Variants in ECPAS observed in about 807,000 individuals in gnomAD.
ECPAS encodes proteasome adapter and scaffold protein ECM29.
A neutral mutation model predicts 255.1 loss-of-function variants in ECPAS; 70 were observed. The ratio of observed to expected loss-of-function variants is 0.27; its 90% confidence interval spans 0.23 to 0.33. The LOEUF (loss-of-function observed/expected upper bound fraction) is 0.33, where lower values mean the gene tolerates loss of function less well. ECPAS is among the 10% of genes least tolerant of loss of function. ECPAS has a pLI of 1.00. For synonymous variants in ECPAS, 784 were observed against 775.0 expected (o/e 1.01, Z -0.19); for missense variants, 1,817 against 2,206.4 (o/e 0.82, Z 3.54).
At chr9:111,453,441 A>T (rs901616405) in intron 2 of ECPAS, among the ~76,000 whole-genome samples, 3 of 152,164 alleles carry the variant, frequency 2.0e-5, no homozygotes, top group East Asian at 3.9e-4. Context: ...GGGGGGGAAG[A>T]GGCAAATTTT....
At chr9:111,382,018 C>CAG (rs1033007892) in intron 35 of ECPAS, among the ~76,000 whole-genome samples, 1 of 151,598 alleles carries the variant, frequency 6.6e-6, no homozygotes, top group African/African-American at 2.4e-5. Flanking sequence ...AACACACACA[C>CAG]ACACACACAC....
intron 31 of ECPAS, among the ~76,000 whole-genome samples, chr9:111,389,102 T>C (rs889057931): frequency 2.6e-5 from 4 of 152,350 alleles, no homozygotes; most frequent in African/African-American, 7.2e-5. Context: ...AGACAAGCCC[T>C]GAGAAATCTT....
chr9:111,392,882 T>C lies in ECPAS; in HGVS notation c.2978A>G (p.Glu993Gly), dbSNP rs1455189440. ...CTTTGATGCAACATCTTGGCTAAGTTCTACAAGAAAGTCAGACAAGATTGT... is the reference window on the plus strand; with the variant it reads ...CTTTGATGCAACATCTTGGCTAAGTCCTACAAGAAAGTCAGACAAGATTGT... ...AFVSVLSENDELSQDVASKGL... is the reference protein window; with the variant it reads ...AFVSVLSENDGLSQDVASKGL... Residue 993 changes from glutamate to glycine, a missense_variant and splice_region_variant, in exon 28 of 50, where the codon GAA (glutamate) becomes GGA (glycine). Glu to Gly is a moderately conservative substitution (Grantham distance 98, BLOSUM62 -2). Transcript: ENST00000684092. 3 of 1,600,092 alleles carry C rather than the reference T, an allele frequency of 1.9e-6. No homozygotes were observed. The highest frequency in any genetic ancestry group is 1.7e-5 in the Admixed American group (1 of 57,510).
intron 35 of ECPAS, among the ~76,000 whole-genome samples, chr9:111,381,301 G>A (rs1340325461): frequency 6.6e-6 from 1 of 152,144 alleles, no homozygotes; most frequent in African/African-American, 2.4e-5. Flanking sequence ...GGAGAGAGAT[G>A]GGGAACAGCT....
chr9:111,402,091 A>G (rs1250131047), intron 24 of ECPAS, among the ~76,000 whole-genome samples: 2 of 152,366 alleles, frequency 1.3e-5, no homozygotes, highest in East Asian at 3.8e-4. Context: ...ATAAATGTCC[A>G]TGAAATCTTC....
intron 6 of ECPAS, 150 bp downstream of exon 6, chr9:111,440,222 G>A (rs7860748): frequency 0.33 from 205,250 of 617,930 alleles, 39,623 homozygotes; most frequent in Non-Finnish European, 0.41. Context: ...AAGCAGTGGA[G>A]CTGAAGTTTA....
chr9:111,464,631 C>T (rs2098277128), intron 2 of ECPAS, among the ~76,000 whole-genome samples: 1 of 152,152 alleles, frequency 6.6e-6, no homozygotes, highest in Non-Finnish European at 1.5e-5. Flanking sequence ...CATGAGCCAA[C>T]AAGACCATAT....
chr9:111,440,269 A>G (rs1589201178), intron 6 of ECPAS, 103 bp downstream of exon 6: 2 of 972,136 alleles, frequency 2.1e-6, no homozygotes, highest in Admixed American at 2.8e-5. Context: ...ATGGATGTTG[A>G]GATGCATTCA....
At chr9:111,449,120 G>A (rs971591394) in intron 3 of ECPAS, among the ~76,000 whole-genome samples, 1 of 152,110 alleles carries the variant, frequency 6.6e-6, no homozygotes, top group Non-Finnish European at 1.5e-5. Context: ...ATAATCTCAT[G>A]AGGATGTAAG....
intron 1 of ECPAS, among the ~76,000 whole-genome samples, chr9:111,482,977 G>A (rs994161221): frequency 1.3e-5 from 2 of 152,206 alleles, no homozygotes; most frequent in Non-Finnish European, 2.9e-5. Flanking sequence ...CGGTTCGACC[G>A]GCGACCCTCT....
At chr9:111,414,866 C>CA (rs2131745114) in intron 18 of ECPAS, among the ~76,000 whole-genome samples, 1 of 152,284 alleles carries the variant, frequency 6.6e-6, no homozygotes, top group African/African-American at 2.4e-5. Flanking sequence ...TGTTAAAATA[C>CA]AAACTGAACT....
chr9:111,373,465 TC>T, intron 39 of ECPAS, 59 bp from the exon 40 acceptor site: 1 of 1,426,498 alleles, frequency 7.0e-7, no homozygotes, highest in Non-Finnish European at 9.8e-7. Flanking sequence ...TCCACTCTGT[TC>T]CCAGAACCCA....
chr9:111,393,725 T>C lies in ECPAS; in HGVS notation c.2932A>G (p.Lys978Glu). 1.3e-6 allele frequency: 2 copies of C among 1,587,542 alleles called. No homozygotes were observed. Among genetic ancestry groups the C allele is most frequent in the African/African-American group, 2.7e-5 (2 of 74,444 alleles). The change falls in exon 27 of 50, where the codon AAA becomes GAA. Residue 978 changes from lysine to glutamate, a missense_variant. By Grantham distance (56) the Lys-to-Glu change is moderately conservative. Coordinates refer to ENST00000684092, the MANE Select transcript of ECPAS (RefSeq NM_001364929.1). ...STHKEVKSHL[K>E]EIQSAFVSVL... ...GAAACAAATGCACTTTGAATTTCTTTAAGATGAGACTGAAAGAAGAAAAAA... is the reference window on the plus strand; with the variant it reads ...GAAACAAATGCACTTTGAATTTCTTCAAGATGAGACTGAAAGAAGAAAAAA...
Position 111,371,774 on chromosome 9 carries a change from C to T in ECPAS, c.4584G>A (p.Lys1528=). ...TTTTCCAGGACTGAGACTGCAAAGC[C>T]TTCTGGGTAATAGTAATTAACTCCT... is the stretch of plus-strand genomic sequence containing the variant. ...YLQELITITQ[K]ALQSQSWKMK... is the part of the protein sequence containing the mutation. Residue 1528 remains lysine, a synonymous_variant, in exon 43 of 50, where the codon AAG becomes AAA. Coordinates refer to ENST00000684092, the MANE Select transcript of ECPAS (RefSeq NM_001364929.1). 6.2e-7 allele frequency: 1 copy of T among 1,613,818 alleles called. No homozygotes were observed. The highest frequency in any genetic ancestry group is 8.5e-7 in the Non-Finnish European group (1 of 1,179,810).
intron 36 of ECPAS, 79 bp from the exon 37 acceptor site, chr9:111,376,620 C>T: frequency 9.8e-7 from 1 of 1,018,550 alleles, no homozygotes; most frequent in Non-Finnish European, 1.5e-6. Flanking sequence ...AAAAGACTTT[C>T]ACTTCCAAGC....
chr9:111,435,478 A>C (rs2098236616), intron 7 of ECPAS, among the ~76,000 whole-genome samples: 1 of 152,146 alleles, frequency 6.6e-6, no homozygotes, highest in African/African-American at 2.4e-5. Context: ...TTTAACCCTT[A>C]GATAATCCTA....
At position 111,414,593 on chromosome 9, in the gene ECPAS, TGA is replaced by T. The variant is rs1359247508; in HGVS notation, c.1821_1822del (p.Gln608GlufsTer4). The T allele has an allele frequency of 6.2e-7, 1 of 1,613,978 alleles. No individual in the cohort carries two copies. Among genetic ancestry groups the T allele is most frequent in the African/African-American group, 1.3e-5 (1 of 75,058 alleles). The stretch of plus-strand genomic sequence containing the variant: ...ATGATCCTGCATATCAGCCAAACTC[TGA>T]GAGGTGGGCACCACCCCCGCACTGT... On this transcript the variant is annotated frameshift_variant, in exon 19 of 50. Transcript: ENST00000684092. LOFTEE classifies it high-confidence loss of function.
rs41308934 is a variant in ECPAS, at chr9:111,440,358, A to G, written c.539+14T>C. On this transcript the variant is annotated intron_variant, in intron 6 of 49. Coordinates refer to ENST00000684092, the MANE Select transcript of ECPAS (RefSeq NM_001364929.1). Reference sequence around the variant, plus strand: ...AGCAGTCAAGAACAAGGTTGCTTTTATTTTTTAACTCACCCATAAGGCATC... The same window carrying G: ...AGCAGTCAAGAACAAGGTTGCTTTTGTTTTTTAACTCACCCATAAGGCATC... 9.5e-3 allele frequency: 14,999 copies of G among 1,583,314 alleles called. 77 individuals are homozygous for G. The highest frequency in any genetic ancestry group is 0.016 in the Middle Eastern group (94 of 5,922).
chr9:111,361,925 C>A lies in ECPAS; in HGVS notation c.*105G>T. On this transcript the variant is annotated 3_prime_UTR_variant, in exon 50 of 50. Coordinates refer to ENST00000684092, the MANE Select transcript of ECPAS (RefSeq NM_001364929.1). ...TTTTTATTTCAGCCAAGGAATGATG[C>A]ATGCTACAGATTAATCTTTACTTTT... 1 of 1,249,732 alleles carries A rather than the reference C, an allele frequency of 8.0e-7. No individual in the cohort carries two copies. The highest frequency in any genetic ancestry group is 1.7e-5 in the South Asian group (1 of 57,964). The allele number at this position is 1,249,732 out of a possible 1,614,324, so 77.4% of individuals were successfully genotyped here.
Sources: allele counts gnomAD v4.1 joint callset (sites outside exome capture counted in the v4.1 genomes callset), GRCh38; gene constraint gnomAD v4.1.1; transcripts MANE v1.5; gene names NCBI Gene and HGNC (gene_info 2026-07-23, HGNC 2026-07-21).